Variants in RBMS3 observed in about 807,000 individuals in gnomAD.
RBMS3 encodes RNA binding motif single stranded interacting protein 3.
In RBMS3, 27 loss-of-function variants were observed where a neutral mutation model predicts 66.8. The ratio of observed to expected loss-of-function variants is 0.40; its 90% CI spans 0.30 to 0.56. The LOEUF is 0.56. Ranked by LOEUF, RBMS3 falls within the 20% of genes least tolerant of loss-of-function variation. The pLI is 0.40. For missense variants in RBMS3, 513 were observed against 549.5 expected (o/e 0.93, Z 0.66); for synonymous variants, 188 against 183.0 (o/e 1.03, Z -0.22).
chr3:29,864,169 T>C (rs1463574621), intron 6 of RBMS3, among the ~76,000 whole-genome samples: 3 of 152,128 alleles, frequency 2.0e-5, no homozygotes, highest in Non-Finnish European at 4.4e-5. Flanking sequence ...GGCTCAATAG[T>C]TTTTCTAGTA....
At chr3:29,486,050 G>C (rs1345156606) in intron 2 of RBMS3, among the ~76,000 whole-genome samples, 1 of 152,036 alleles carries the variant, frequency 6.6e-6, no homozygotes, top group Non-Finnish European at 1.5e-5. Flanking sequence ...TAATCTACTA[G>C]TATACTTTGA....
chr3:29,284,598 T>G (rs1286783897), intron 1 of RBMS3, among the ~76,000 whole-genome samples: 1 of 152,104 alleles, frequency 6.6e-6, no homozygotes, highest in African/African-American at 2.4e-5. Context: ...TTCCCTGCCT[T>G]CTCTGCTCCT....
chr3:29,538,635 A>C (rs888809427), intron 3 of RBMS3, among the ~76,000 whole-genome samples: 1 of 152,206 alleles, frequency 6.6e-6, no homozygotes, highest in African/African-American at 2.4e-5. Flanking sequence ...TATGTTTCCA[A>C]ATTATAAGCT....
chr3:29,473,668 G>A lies in RBMS3; in HGVS notation c.249-14773G>A, dbSNP rs183260348. On this transcript the variant is annotated intron_variant, in intron 2 of 14. Coordinates refer to ENST00000383767, the MANE Select transcript of RBMS3 (RefSeq NM_001003793.3). ...CCCCTCGGGGAGGCAGCTAAGGCAC[G>A]GTGAGAAATCGAGTGCAGCGCCAGT... Among the ~76,000 whole-genome samples the A allele has an allele frequency of 1.1e-3, 165 of 152,338 alleles. 1 individual carries two copies. Among genetic ancestry groups the A allele is most frequent in the Non-Finnish European group, 1.8e-3 (122 of 68,022 alleles).
intron 6 of RBMS3, among the ~76,000 whole-genome samples, chr3:29,817,838 T>C (rs1296034640): frequency 6.6e-6 from 1 of 152,056 alleles, no homozygotes; most frequent in African/African-American, 2.4e-5. Flanking sequence ...GAAGGAGCCA[T>C]TGTAGTTTCA....
intron 4 of RBMS3, among the ~76,000 whole-genome samples, chr3:29,592,106 A>T (rs1005884821): frequency 6.8e-6 from 1 of 147,304 alleles, no homozygotes; most frequent in East Asian, 2.2e-4. Flanking sequence ...AATAAAAAAA[A>T]CCAGTGGATT....
chr3:29,888,099 C>A (rs1302488271), intron 8 of RBMS3, among the ~76,000 whole-genome samples: 1 of 151,638 alleles, frequency 6.6e-6, no homozygotes, highest in African/African-American at 2.4e-5. Context: ...CCTTAAATCA[C>A]CTGAAATATG....
chr3:29,556,168 GA>G (rs2046355444), intron 3 of RBMS3, among the ~76,000 whole-genome samples: 1 of 151,910 alleles, frequency 6.6e-6, no homozygotes, highest in South Asian at 2.1e-4. Context: ...CTTTTGCTTT[GA>G]AAAGACAAAA....
At chr3:29,350,040 A>T (rs1400544042) in intron 1 of RBMS3, among the ~76,000 whole-genome samples, 2 of 151,914 alleles carry the variant, frequency 1.3e-5, no homozygotes, top group African/African-American at 4.8e-5. Flanking sequence ...CATGCCTGTA[A>T]TCCCAGCTAC....
At position 29,582,108 on chromosome 3, in the gene RBMS3, T is replaced by TAAGAA. The variant is rs1330950926; in HGVS notation, c.308-5005_308-5001dup. On this transcript the variant is annotated intron_variant, in intron 3 of 14. Transcript: ENST00000383767. ...CAGCAAATGCACTAAAGGAAACAAA[T>TAAGAA]AAGAACCATCTGGACACTACTATTC... Among the ~76,000 whole-genome samples the TAAGAA allele has an allele frequency of 3.3e-5, 5 of 151,934 alleles. No individual in the cohort carries two copies. In the East Asian group the frequency reaches 9.7e-4, roughly 29 times the overall value.
rs1030514513 is a variant in RBMS3 at position 30,005,676 on chromosome 3, G to C, written c.*1814G>C. On this transcript the variant is annotated 3_prime_UTR_variant, in exon 15 of 15. Transcript: ENST00000383767. ...CACCTTGGTTTTGCAAATGGGGAGG[G>C]GGTATCATCTTTTTGCCTGTTTTCA... 6.6e-6 allele frequency: 1 copy of C among 151,668 alleles called. No individual in the cohort carries two copies. The highest frequency in any genetic ancestry group is 1.5e-5 in the Non-Finnish European group (1 of 67,798). The allele number at this position is 151,668 out of a possible 1,614,324, so 9.4% of individuals were successfully genotyped here.
intron 3 of RBMS3, among the ~76,000 whole-genome samples, chr3:29,549,814 C>G (rs542326363): frequency 1.9e-4 from 29 of 152,208 alleles, no homozygotes; most frequent in African/African-American, 7.0e-4. Context: ...ATATATGGTT[C>G]TTGGACTTAA....
chr3:29,354,575 A>G (rs964831920), intron 1 of RBMS3, among the ~76,000 whole-genome samples: 1 of 150,932 alleles, frequency 6.6e-6, no homozygotes. Flanking sequence ...GCACGTGCGC[A>G]CACACACAGA....
At position 29,763,307 on chromosome 3, in the gene RBMS3, C is replaced by T. The variant is rs552277682; in HGVS notation, c.637+318C>T. 5.9e-5 allele frequency among the ~76,000 whole-genome samples: 9 copies of T among 152,112 alleles called. No homozygotes were observed. The South Asian group carries it at 1.9e-3, about 32-fold the overall frequency. On this transcript the variant is annotated intron_variant, in intron 6 of 14. Coordinates refer to ENST00000383767, the MANE Select transcript of RBMS3 (RefSeq NM_001003793.3). Reference sequence around the variant, plus strand: ...AGCATTAATATTAAAATTCCAATTTCCAAGTTACAAAATATCCAAACAATG... The same window carrying T: ...AGCATTAATATTAAAATTCCAATTTTCAAGTTACAAAATATCCAAACAATG...
intron 5 of RBMS3, among the ~76,000 whole-genome samples, chr3:29,740,624 C>T (rs2054593413): frequency 6.6e-6 from 1 of 152,230 alleles, no homozygotes; most frequent in Non-Finnish European, 1.5e-5. Context: ...TGCTCAATGA[C>T]AATGAAGAAA....
At chr3:29,948,802 T>C (rs1384077293) in intron 12 of RBMS3, among the ~76,000 whole-genome samples, 2 of 151,842 alleles carry the variant, frequency 1.3e-5, no homozygotes, top group Non-Finnish European at 2.9e-5. Context: ...TTGCTTTACT[T>C]ATTCTTCATT....
At chr3:29,426,432 C>A (rs2040963001) in intron 1 of RBMS3, among the ~76,000 whole-genome samples, 1 of 152,108 alleles carries the variant, frequency 6.6e-6, no homozygotes, top group Admixed American at 6.5e-5. Flanking sequence ...ATATCTAAGC[C>A]TCTGAATAGA....
chr3:29,965,573 T>C (rs1286041398), intron 12 of RBMS3, among the ~76,000 whole-genome samples: 1 of 152,088 alleles, frequency 6.6e-6, no homozygotes, highest in African/African-American at 2.4e-5. Flanking sequence ...TTTGATGGGA[T>C]TGTTTGGTTT....
At chr3:29,335,921 C>T (rs1225563045) in intron 1 of RBMS3, among the ~76,000 whole-genome samples, 2 of 151,666 alleles carry the variant, frequency 1.3e-5, no homozygotes, top group African/African-American at 2.4e-5. Flanking sequence ...TTGAGGGGTA[C>T]TCTGTTCTAA....
Sources: allele counts gnomAD v4.1 joint callset (sites outside exome capture counted in the v4.1 genomes callset), GRCh38; gene constraint gnomAD v4.1.1; transcripts MANE v1.5; gene names NCBI Gene and HGNC (gene_info 2026-07-23, HGNC 2026-07-21).